ZFYVE28: variants seen among roughly 807,000 people sequenced by gnomAD.
ZFYVE28 encodes zinc finger FYVE-type containing 28, also known as lateral signaling target protein 2 homolog.
A neutral mutation model predicts 82.1 loss-of-function variants in ZFYVE28; 40 were observed. The ratio of observed to expected loss-of-function variants is 0.49; its 90% CI spans 0.38 to 0.63. ZFYVE28 has a LOEUF of 0.63. Among genes scored for constraint, ZFYVE28 ranks in the 30% least tolerant of loss-of-function variants. The pLI is 0.00. For missense variants in ZFYVE28, 1,321 were observed against 1,242.1 expected (o/e 1.06, Z -0.96); for synonymous variants, 612 against 546.1 (o/e 1.12, Z -1.68).
chr4:2,326,753 T>C (rs949337514), intron 6 of ZFYVE28, among the ~76,000 whole-genome samples: 1 of 152,262 alleles, frequency 6.6e-6, no homozygotes, highest in Non-Finnish European at 1.5e-5. Flanking sequence ...ACCTCTGTGA[T>C]AAAAATTATT....
chr4:2,413,950 C>T (rs532658822), intron 1 of ZFYVE28, among the ~76,000 whole-genome samples: 32 of 152,346 alleles, frequency 2.1e-4, no homozygotes, highest in Admixed American at 5.2e-4. Context: ...CGCCCCTCAC[C>T]CTCAGCCACC....
At position 2,379,396 on chromosome 4, in the gene ZFYVE28, C is replaced by T. The variant is rs1043739761; in HGVS notation, c.40-25323G>A. Among the ~76,000 whole-genome samples, 5 of 152,218 alleles carry T rather than the reference C, an allele frequency of 3.3e-5. No individual in the cohort carries two copies. The East Asian group carries it at 9.6e-4, about 29-fold the overall frequency. ...CTATGCCAGGACCTCAAATTTAAAG[C>T]TCTCTCCTCTTAACAGAATCAGGAA... On this transcript the variant is annotated intron_variant, in intron 1 of 12. Coordinates refer to ENST00000290974, the MANE Select transcript of ZFYVE28 (RefSeq NM_020972.3).
At chr4:2,273,669 GC>G (rs1433718596) in intron 9 of ZFYVE28, among the ~76,000 whole-genome samples, 2 of 152,168 alleles carry the variant, frequency 1.3e-5, no homozygotes, top group Admixed American at 1.3e-4. Flanking sequence ...GACTGTCACA[GC>G]CACTCAGGCA....
Position 2,416,241 on chromosome 4 carries a change from A to G in ZFYVE28, c.39+2044T>C, listed in dbSNP as rs566173008. 3.3e-5 allele frequency among the ~76,000 whole-genome samples: 5 copies of G among 152,214 alleles called. No homozygotes were observed. Among genetic ancestry groups the G allele is most frequent in the Non-Finnish European group, 5.9e-5 (4 of 68,036 alleles). On this transcript the variant is annotated intron_variant, in intron 1 of 12. Transcript: ENST00000290974. This position sits in a 1 kb window ranked among gnomAD's most constrained non-coding sequence, Gnocchi z 4.6. ...CTTTAACCTGTCTTCCCTAAACGGA[A>G]ACAGACAAGGCCATCCTGAAATTAC...
chr4:2,371,359 C>T (rs1257949195), intron 1 of ZFYVE28, among the ~76,000 whole-genome samples: 2 of 152,136 alleles, frequency 1.3e-5, no homozygotes, highest in Admixed American at 6.5e-5. Context: ...TAAAGGTGCC[C>T]GCCACTAACA....
At chr4:2,402,887 C>T (rs1731349412) in intron 1 of ZFYVE28, among the ~76,000 whole-genome samples, 1 of 152,144 alleles carries the variant, frequency 6.6e-6, no homozygotes, top group South Asian at 2.1e-4. Flanking sequence ...CACCAAGGCC[C>T]CTCCTCCTAG....
rs1016552526 is a variant in ZFYVE28, at chr4:2,359,030, A to C, written c.40-4957T>G. The stretch of plus-strand genomic sequence containing the variant: ...CGCTCTGTCGCCCAGGCTGGAGTGC[A>C]GTGGTGCAATCTCAGCTCACTGCAA... On this transcript the variant is annotated intron_variant, in intron 1 of 12. Transcript: ENST00000290974. Among the ~76,000 whole-genome samples, 6 of 143,786 alleles carry C rather than the reference A, an allele frequency of 4.2e-5. 1 individual carries two copies. The highest frequency in any genetic ancestry group is 2.1e-4 in the Admixed American group (3 of 13,986). The allele number at this position is 143,786 out of a possible 152,430, so 94.3% of individuals were successfully genotyped here.
intron 1 of ZFYVE28, among the ~76,000 whole-genome samples, chr4:2,376,697 C>G (rs966906386): frequency 2.0e-5 from 3 of 152,190 alleles, no homozygotes; most frequent in Non-Finnish European, 4.4e-5. Flanking sequence ...TACGTCCCAT[C>G]AAGTCCCTCC....
chr4:2,274,824 G>A lies in ZFYVE28; in HGVS notation c.2052-608C>T, dbSNP rs1422595911. ...CCATGTGACCACGGAGGCTGAGACC[G>A]GAGACGCGGCCCCAACCCAAGGAAC... On this transcript the variant is annotated intron_variant, in intron 8 of 12. Transcript: ENST00000290974. Among the ~76,000 whole-genome samples the A allele has an allele frequency of 3.5e-5, 5 of 144,298 alleles. No individual in the cohort carries two copies. In the South Asian group the frequency reaches 8.3e-4, roughly 24 times the overall value. The allele number at this position is 144,298 out of a possible 152,430, so 94.7% of individuals were successfully genotyped here. A position where few individuals can be genotyped will look rare whatever the true frequency, so the allele number is the denominator to read the frequency against.
At chr4:2,415,307 T>C (rs896022383) in intron 1 of ZFYVE28, among the ~76,000 whole-genome samples, 6 of 152,168 alleles carry the variant, frequency 3.9e-5, no homozygotes, top group Admixed American at 3.9e-4. Flanking sequence ...TTTTCCACCA[T>C]ATTGTGATGA....
chr4:2,292,742 T>C (rs1328233694), intron 8 of ZFYVE28, among the ~76,000 whole-genome samples: 1 of 151,842 alleles, frequency 6.6e-6, no homozygotes, highest in East Asian at 1.9e-4. Context: ...CAAGCAGAAA[T>C]AATGCCCGTT....
chr4:2,351,649 G>A (rs1471891497), intron 2 of ZFYVE28, among the ~76,000 whole-genome samples: 2 of 152,212 alleles, frequency 1.3e-5, no homozygotes, highest in African/African-American at 2.4e-5. Flanking sequence ...GGGAGGTGGA[G>A]GTTGCAGTGA....
intron 1 of ZFYVE28, among the ~76,000 whole-genome samples, chr4:2,412,357 C>T (rs895159572): frequency 6.6e-6 from 1 of 152,182 alleles, no homozygotes; most frequent in East Asian, 1.9e-4. Flanking sequence ...CTGGTTCTGC[C>T]ATTATTGACT....
rs1361411471 is a variant in ZFYVE28, at chr4:2,418,264, G to A, written c.39+21C>T. 10 of 1,535,896 alleles carry A rather than the reference G, an allele frequency of 6.5e-6. No homozygotes were observed. Among genetic ancestry groups the A allele is most frequent in the Non-Finnish European group, 8.8e-6 (10 of 1,140,578 alleles). ...AGAGGCCGCGACGCGGGGGGCGTCC[G>A]GCCCGAGCGGGGCCGCTCACCTTGG... On this transcript the variant is annotated intron_variant, in intron 1 of 12. Coordinates refer to ENST00000290974, the MANE Select transcript of ZFYVE28 (RefSeq NM_020972.3). This position sits in a 1 kb window ranked among gnomAD's most constrained non-coding sequence, Gnocchi z 4.6.
intron 6 of ZFYVE28, among the ~76,000 whole-genome samples, chr4:2,334,503 T>G (rs948535589): frequency 6.6e-6 from 1 of 151,826 alleles, no homozygotes; most frequent in East Asian, 1.9e-4. Flanking sequence ...GGGGTATCCA[T>G]GCTCAACCCC....
intron 6 of ZFYVE28, among the ~76,000 whole-genome samples, chr4:2,334,334 C>G (rs1721223317): frequency 6.6e-6 from 1 of 152,004 alleles, no homozygotes; most frequent in Non-Finnish European, 1.5e-5. Context: ...CAGACTGGCC[C>G]CGGCAGCAGC....
intron 1 of ZFYVE28, among the ~76,000 whole-genome samples, chr4:2,414,969 T>G (rs1274695834): frequency 6.6e-6 from 1 of 152,248 alleles, no homozygotes; most frequent in Non-Finnish European, 1.5e-5. Flanking sequence ...CAGGACAAGC[T>G]GACAGGTTTT....
At chr4:2,400,325 C>T (rs1422554452) in intron 1 of ZFYVE28, among the ~76,000 whole-genome samples, 2 of 152,206 alleles carry the variant, frequency 1.3e-5, no homozygotes, top group Admixed American at 6.5e-5. Context: ...GACACGCACA[C>T]ACATTTCATC....
chr4:2,308,491 CAAGG>C (rs1239915650), intron 7 of ZFYVE28, among the ~76,000 whole-genome samples: 2 of 101,560 alleles, frequency 2.0e-5, no homozygotes, highest in Non-Finnish European at 3.5e-5. Context: ...TCAATTTCTA[CAAGG>C]AAGGAAGGAA....
Sources: gnomAD v4.1 joint callset for allele counts (sites outside exome capture counted in the v4.1 genomes callset) on GRCh38, gnomAD v4.1.1 for gene constraint, Gnocchi (gnomAD v3.1) non-coding constraint, MANE v1.5 for transcripts, NCBI Gene and HGNC (gene_info 2026-07-23, HGNC 2026-07-21) for gene names.